The following WASF1 variants were observed in gnomAD, a reference collection of about 807,000 sequenced individuals.
WASF1 encodes WASP family member 1, also known as actin-binding protein WASF1.
In WASF1, 7 loss-of-function variants were observed where a neutral mutation model predicts 50.5. The ratio of observed to expected loss-of-function variants is 0.14; its 90% CI spans 0.08 to 0.26. The LOEUF is 0.26. Ranked by LOEUF, WASF1 falls within the 10% of genes least tolerant of loss-of-function variation. The probability of loss-of-function intolerance (pLI) is 1.00; values close to 1 mark genes in which losing one functional copy is unlikely to be tolerated. For synonymous variants in WASF1, 205 were observed against 244.0 expected (o/e 0.84, Z 1.49); for missense variants, 470 against 694.7 (o/e 0.68, Z 3.64).
At chr6:110,177,642 G>A (rs1776987058) in intron 2 of WASF1, among the ~76,000 whole-genome samples, 1 of 152,018 alleles carries the variant, frequency 6.6e-6, no homozygotes, top group Non-Finnish European at 1.5e-5. Flanking sequence ...TGTCCATTTT[G>A]TAAATTGCAA....
At chr6:110,153,758 C>T (rs903828970) in intron 3 of WASF1, among the ~76,000 whole-genome samples, 27 of 151,006 alleles carry the variant, frequency 1.8e-4, no homozygotes, top group Non-Finnish European at 3.4e-4. Flanking sequence ...TGCTACATTC[C>T]AGCCTGGGTG....
At chr6:110,112,618 A>G (rs770380037) in intron 5 of WASF1, among the ~76,000 whole-genome samples, 1 of 152,152 alleles carries the variant, frequency 6.6e-6, no homozygotes. Context: ...AAGCAGTTAC[A>G]TAGCCAGGTG....
At chr6:110,168,620 G>C (rs1188727119) in intron 2 of WASF1, among the ~76,000 whole-genome samples, 1 of 152,040 alleles carries the variant, frequency 6.6e-6, no homozygotes, top group Non-Finnish European at 1.5e-5. Flanking sequence ...GCAACTGTTA[G>C]AAGTATATAG....
intron 3 of WASF1, among the ~76,000 whole-genome samples, chr6:110,144,505 T>G (rs1775438816): frequency 6.6e-6 from 1 of 152,242 alleles, no homozygotes; most frequent in Non-Finnish European, 1.5e-5. Context: ...TTGTTGCCAT[T>G]GCTTTTGGTG....
intron 2 of WASF1, among the ~76,000 whole-genome samples, chr6:110,163,754 G>A (rs186574691): frequency 2.4e-3 from 367 of 151,702 alleles, no homozygotes; most frequent in Middle Eastern, 0.01. Context: ...ATTATAGAGA[G>A]TCAAAAGACC....
chr6:110,125,504 TA>T (rs1264042760), intron 4 of WASF1, among the ~76,000 whole-genome samples: 1 of 152,222 alleles, frequency 6.6e-6, no homozygotes, highest in Non-Finnish European at 1.5e-5. Flanking sequence ...ACTATCAAGG[TA>T]AAAGTAAACA....
intron 4 of WASF1, among the ~76,000 whole-genome samples, chr6:110,114,839 C>T (rs1223926941): frequency 6.7e-6 from 1 of 149,228 alleles, no homozygotes; most frequent in African/African-American, 2.5e-5. Context: ...AGTCTGTAAT[C>T]CTAGCACTTT....
At chr6:110,172,382 A>T (rs2114625105) in intron 2 of WASF1, among the ~76,000 whole-genome samples, 1 of 152,266 alleles carries the variant, frequency 6.6e-6, no homozygotes, top group South Asian at 2.1e-4. Context: ...CAGGAAATCA[A>T]GAGAAAAAAA....
intron 7 of WASF1, 61 bp downstream of exon 7, chr6:110,107,016 T>A: frequency 8.5e-7 from 1 of 1,175,434 alleles, no homozygotes. Flanking sequence ...TGAAGTTCAA[T>A]ATATGCAACA....
chr6:110,151,037 CAAAAT>C (rs1047392084), intron 3 of WASF1, among the ~76,000 whole-genome samples: 3 of 151,942 alleles, frequency 2.0e-5, no homozygotes, highest in African/African-American at 4.8e-5. Context: ...AACTCTGTCT[CAAAAT>C]AAAAGAGTAA....
chr6:110,121,941 A>T (rs141032840), intron 4 of WASF1, among the ~76,000 whole-genome samples: 141 of 151,830 alleles, frequency 9.3e-4, no homozygotes, highest in Non-Finnish European at 1.8e-3. Context: ...AGGTTGGAAA[A>T]CCAAACACCA....
intron 2 of WASF1, among the ~76,000 whole-genome samples, chr6:110,165,276 G>T (rs2114610718): frequency 6.6e-6 from 1 of 151,484 alleles, no homozygotes; most frequent in East Asian, 1.9e-4. Flanking sequence ...ACATATGTGG[G>T]GTCAGAGAAT....
chr6:110,141,846 A>C (rs1272328311), intron 3 of WASF1, among the ~76,000 whole-genome samples: 2 of 150,134 alleles, frequency 1.3e-5, no homozygotes, highest in African/African-American at 2.5e-5. Flanking sequence ...ATCTCGGCTC[A>C]CTGCAACCTC....
At chr6:110,119,630 A>G (rs937181216) in intron 4 of WASF1, among the ~76,000 whole-genome samples, 18 of 152,218 alleles carry the variant, frequency 1.2e-4, no homozygotes, top group African/African-American at 4.3e-4. Context: ...AGCTGGTACC[A>G]TTCCTTCTAA....
intron 3 of WASF1, among the ~76,000 whole-genome samples, chr6:110,141,397 GAATA>G (rs1775227241): frequency 6.6e-6 from 1 of 152,114 alleles, no homozygotes; most frequent in South Asian, 2.1e-4. Context: ...TCCTCAGAGA[GAATA>G]TATAATTGTT....
chr6:110,132,834 A>G (rs1774746654), intron 3 of WASF1, among the ~76,000 whole-genome samples: 1 of 151,682 alleles, frequency 6.6e-6, no homozygotes, highest in African/African-American at 2.4e-5. Context: ...ATAGTCTCCA[A>G]TTCCATTCAG....
chr6:110,148,531 T>G (rs1344244384), intron 3 of WASF1, among the ~76,000 whole-genome samples: 1 of 151,890 alleles, frequency 6.6e-6, no homozygotes, highest in Non-Finnish European at 1.5e-5. Context: ...GAATGAAAGG[T>G]GGACAGGGAA....
intron 3 of WASF1, among the ~76,000 whole-genome samples, chr6:110,141,772 C>CTA (rs796986379): frequency 2.7e-5 from 4 of 145,834 alleles, no homozygotes; most frequent in Non-Finnish European, 6.1e-5. Context: ...ATACACTTAT[C>CTA]TTTTTTTTTT....
In WASF1 at chr6:110,153,395, T is replaced by C. The variant is rs139455798; in HGVS notation, c.-29+7240A>G. On this transcript the variant is annotated intron_variant, in intron 3 of 10. Coordinates refer to ENST00000392589, the MANE Select transcript of WASF1 (RefSeq NM_003931.3). ...GATAAAAATAACTAGCTGTACAATG[T>C]AATGATAAACTGACATTTTGAGTCC... 6.4e-4 allele frequency among the ~76,000 whole-genome samples: 97 copies of C among 152,264 alleles called. No individual in the cohort carries two copies. In the East Asian group the frequency reaches 0.015, roughly 23 times the overall value.
Sources: allele counts gnomAD v4.1 joint callset (sites outside exome capture counted in the v4.1 genomes callset), GRCh38; gene constraint gnomAD v4.1.1; transcripts MANE v1.5; gene names NCBI Gene and HGNC (gene_info 2026-07-23, HGNC 2026-07-21).